The following CYFIP2 variants were observed in gnomAD, a reference collection of about 807,000 sequenced individuals.
CYFIP2 encodes the protein cytoplasmic FMR1-interacting protein 2.
Under a neutral mutation model 158.7 loss-of-function variants are expected in CYFIP2, and 29 were observed. The ratio of observed to expected loss-of-function variants is 0.18; its 90% CI spans 0.14 to 0.25. The LOEUF (loss-of-function observed/expected upper bound fraction) is 0.25. CYFIP2 is among the 10% of genes least tolerant of loss of function. The probability of loss-of-function intolerance (pLI) is 1.00; values close to 1 mark genes in which losing one functional copy is unlikely to be tolerated. For synonymous variants in CYFIP2, 585 were observed against 617.6 expected, an observed-to-expected ratio of 0.95 and a Z score of 0.78; for missense variants, 852 against 1,639.5, an observed-to-expected ratio of 0.52 and a Z score of 8.29.
intron 23 of CYFIP2, among the ~76,000 whole-genome samples, chr5:157,346,485 A>C (rs1762703332): frequency 6.6e-6 from 1 of 152,194 alleles, no homozygotes; most frequent in East Asian, 1.9e-4. Flanking sequence ...GGAAGAAGCC[A>C]AGGGAAAACA....
chr5:157,395,248 T>C lies in CYFIP2; in HGVS notation c.*2248T>C. ...AACACCCAATGAGTTTAATATTCTTTCCTCCTTGGCATTACTGCCCCAGCC... is the reference window on the plus strand; with the variant it reads ...AACACCCAATGAGTTTAATATTCTTCCCTCCTTGGCATTACTGCCCCAGCC... On this transcript the variant is annotated 3_prime_UTR_variant, in exon 31 of 31. Coordinates refer to ENST00000620254, the MANE Select transcript of CYFIP2 (RefSeq NM_001037333.3). 3.7e-6 allele frequency: 1 copy of C among 269,180 alleles called. No individual in the cohort carries two copies. The highest frequency in any genetic ancestry group is 7.1e-6 in the Non-Finnish European group (1 of 140,840). 16.7% of individuals were successfully genotyped at this position (269,180 alleles called of 1,614,324 possible). A position where few individuals can be genotyped will look rare whatever the true frequency, so the allele number is the denominator to read the frequency against.
chr5:157,373,551 TGAATATTC>T (rs1453560965), intron 26 of CYFIP2, among the ~76,000 whole-genome samples: 1 of 152,132 alleles, frequency 6.6e-6, no homozygotes, highest in African/African-American at 2.4e-5. Flanking sequence ...GGTACTTGAG[TGAATATTC>T]ATTTATCAAA....
At chr5:157,387,473 G>C (rs1348046081) in intron 28 of CYFIP2, among the ~76,000 whole-genome samples, 1 of 152,194 alleles carries the variant, frequency 6.6e-6, no homozygotes, top group Non-Finnish European at 1.5e-5. Context: ...CAAATGCACA[G>C]TAGATTAATT....
At position 157,341,173 on chromosome 5, in the gene CYFIP2, C is replaced by T. The variant is rs1390398365; in HGVS notation, c.2673+16C>T. 1.2e-6 allele frequency: 2 copies of T among 1,609,386 alleles called. No individual in the cohort carries two copies. The highest frequency in any genetic ancestry group is 1.7e-6 in the Non-Finnish European group (2 of 1,175,832). ...TGGATCCAAGGTAAGTAGTCCTGCC[C>T]TACCCTGCCTAGAAGAGGGTTGGTG... On this transcript the variant is annotated intron_variant, in intron 23 of 30. Transcript: ENST00000620254.
chr5:157,382,751 C>T, intron 27 of CYFIP2, 89 bp downstream of exon 27: 2 of 1,331,408 alleles, frequency 1.5e-6, no homozygotes, highest in South Asian at 2.5e-5. Flanking sequence ...ATCTAGTCAG[C>T]AAGGGGGAAG....
At chr5:157,380,763 A>G (rs1466953210) in intron 26 of CYFIP2, among the ~76,000 whole-genome samples, 9 of 152,208 alleles carry the variant, frequency 5.9e-5, no homozygotes, top group South Asian at 2.1e-4. Context: ...AAATCATCCA[A>G]TGTAATTCAC....
chr5:157,381,491 G>T (rs1362688266), intron 26 of CYFIP2, among the ~76,000 whole-genome samples: 1 of 137,012 alleles, frequency 7.3e-6, no homozygotes, highest in African/African-American at 2.7e-5. Flanking sequence ...TCATACCACT[G>T]CACTCCAGCC....
At chr5:157,332,453 T>G (rs958792236) in intron 20 of CYFIP2, among the ~76,000 whole-genome samples, 4 of 152,222 alleles carry the variant, frequency 2.6e-5, no homozygotes, top group African/African-American at 9.6e-5. Flanking sequence ...ATTTCACCCC[T>G]GAATGCTTCA....
At chr5:157,286,948 C>A in intron 2 of CYFIP2, 71 bp from the exon 3 acceptor site, 2 of 1,194,590 alleles carry the variant, frequency 1.7e-6, no homozygotes, top group Non-Finnish European at 2.4e-6. Flanking sequence ...CAGCAGTTTG[C>A]CCTCTGGACA....
chr5:157,317,543 C>T (rs1441668177), intron 13 of CYFIP2, among the ~76,000 whole-genome samples: 1 of 152,188 alleles, frequency 6.6e-6, no homozygotes, highest in Non-Finnish European at 1.5e-5. Flanking sequence ...TCCTACCTCC[C>T]ATCCCTGCAA....
chr5:157,344,416 A>G (rs1378184514), intron 23 of CYFIP2, among the ~76,000 whole-genome samples: 2 of 152,168 alleles, frequency 1.3e-5, no homozygotes, highest in East Asian at 3.8e-4. Flanking sequence ...ATACGTAGAA[A>G]AAGGACTTAG....
intron 26 of CYFIP2, among the ~76,000 whole-genome samples, chr5:157,370,121 C>T (rs1186208659): frequency 2.0e-5 from 3 of 152,070 alleles, no homozygotes; most frequent in Non-Finnish European, 4.4e-5. Context: ...CCTCGTGATC[C>T]ATGCGCCTCA....
intron 6 of CYFIP2, among the ~76,000 whole-genome samples, chr5:157,301,365 G>A (rs914097956): frequency 5.9e-5 from 9 of 152,274 alleles, no homozygotes; most frequent in African/African-American, 2.2e-4. Flanking sequence ...CCAGCTCTCA[G>A]GTCAACCTCC....
intron 1 of CYFIP2, among the ~76,000 whole-genome samples, chr5:157,281,258 A>G (rs1223555624): frequency 6.6e-6 from 1 of 152,170 alleles, no homozygotes; most frequent in Non-Finnish European, 1.5e-5. Flanking sequence ...TTAAGCACAT[A>G]ATATCTGATT....
At chr5:157,333,199 G>A (rs1372543649) in intron 20 of CYFIP2, 128 bp from the exon 21 acceptor site, 1 of 1,227,778 alleles carries the variant, frequency 8.1e-7, no homozygotes, top group East Asian at 2.4e-5. Context: ...AGTTTCTCCA[G>A]GAAACCCCTC....
chr5:157,342,911 T>C (rs926724317), intron 23 of CYFIP2: 3 of 1,614,144 alleles, frequency 1.9e-6, no homozygotes, highest in South Asian at 2.2e-5. Flanking sequence ...ACCCCCCCTC[T>C]GTAAGGCACC....
chr5:157,289,686 A>C (rs79829887), intron 3 of CYFIP2, among the ~76,000 whole-genome samples: 3 of 152,074 alleles, frequency 2.0e-5, no homozygotes, highest in Non-Finnish European at 4.4e-5. Flanking sequence ...TTTTAACTTA[A>C]TTACCTCTTT....
At chr5:157,306,432 T>C (rs402516) in intron 8 of CYFIP2, among the ~76,000 whole-genome samples, 120,538 of 152,128 alleles carry the variant, frequency 0.79, 48,019 homozygotes, top group East Asian at 0.99. Context: ...CAGCCCCCCA[T>C]ACCCGGACTT....
At chr5:157,391,108 T>G (rs1322827110) in intron 30 of CYFIP2, among the ~76,000 whole-genome samples, 1 of 151,822 alleles carries the variant, frequency 6.6e-6, no homozygotes, top group African/African-American at 2.4e-5. Flanking sequence ...GGAGGCTGTG[T>G]CTGGGCTGAC....
Sources: gnomAD v4.1 joint callset for allele counts (sites outside exome capture counted in the v4.1 genomes callset) on GRCh38, gnomAD v4.1.1 for gene constraint, MANE v1.5 for transcripts, NCBI Gene and HGNC (gene_info 2026-07-23, HGNC 2026-07-21) for gene names.